The following UBTD1 variants were observed in gnomAD, a reference collection of about 807,000 sequenced individuals.
UBTD1 encodes the protein ubiquitin domain-containing protein 1.
Under a neutral mutation model 21.7 loss-of-function variants are expected in UBTD1, and 19 were observed. The ratio of observed to expected loss-of-function variants is 0.87; its 90% CI spans 0.61 to 1.28. The LOEUF is 1.28. Among genes scored for constraint, UBTD1 ranks in the 50% most tolerant of loss-of-function variants. The pLI, the probability that UBTD1 is intolerant of heterozygous loss-of-function variation, is 0.00. For missense variants in UBTD1, 282 were observed against 315.1 expected, an observed-to-expected ratio of 0.89 and a Z score of 0.80; for synonymous variants, 116 against 135.1, an observed-to-expected ratio of 0.86 and a Z score of 0.98.
intron 1 of UBTD1, among the ~76,000 whole-genome samples, chr10:97,525,307 G>A (rs544620106): frequency 3.9e-5 from 6 of 152,296 alleles, no homozygotes; most frequent in East Asian, 1.9e-4. Flanking sequence ...GCTGGGCACC[G>A]CAGATAGAGA....
chr10:97,568,043 T>G lies in UBTD1; in HGVS notation c.200T>G (p.Ile67Ser), dbSNP rs767618601. Residue 67 changes from isoleucine to serine, a missense_variant, in exon 2 of 3, where the codon ATC (isoleucine) becomes AGC (serine). Coordinates refer to ENST00000370664, the MANE Select transcript of UBTD1 (RefSeq NM_024954.5). ...CCTGCCTTCGAGGGCCGCAAGGAGA[T>G]CTGGGATGCCCTCAAGGCTGCCGCC... Reference protein sequence around the residue: ...TAPAFEGRKEIWDALKAAAYA... With the variant: ...TAPAFEGRKESWDALKAAAYA... 3.7e-6 allele frequency: 6 copies of G among 1,613,900 alleles called. No homozygotes were observed. Among genetic ancestry groups the G allele is most frequent in the Non-Finnish European group, 4.2e-6 (5 of 1,180,026 alleles).
intron 1 of UBTD1, among the ~76,000 whole-genome samples, chr10:97,534,579 GCACACA>G (rs58308271): frequency 0.61 from 88,436 of 145,266 alleles, 29,503 homozygotes; most frequent in Non-Finnish European, 0.76. Context: ...ACGCGCGCGC[GCACACA>G]CACACACACA....
chr10:97,529,716 G>A (rs938414808), intron 1 of UBTD1, among the ~76,000 whole-genome samples: 5 of 151,544 alleles, frequency 3.3e-5, no homozygotes, highest in African/African-American at 1.2e-4. Context: ...CTTCGGCTCG[G>A]CATGAGAGGG....
intron 1 of UBTD1, among the ~76,000 whole-genome samples, chr10:97,526,591 A>C (rs1471189434): frequency 6.6e-6 from 1 of 152,200 alleles, no homozygotes; most frequent in Non-Finnish European, 1.5e-5. Flanking sequence ...CTCCACATGG[A>C]TTCCAGAGTG....
chr10:97,515,599 C>T (rs946984), intron 1 of UBTD1, among the ~76,000 whole-genome samples: 113,705 of 152,116 alleles, frequency 0.75, 44,536 homozygotes, highest in East Asian at 0.91. Context: ...TAGAAAAACC[C>T]TGTTAGATTC....
At position 97,570,596 on chromosome 10, in the gene UBTD1, C is replaced by A; in HGVS notation, c.*73C>A. The A allele has an allele frequency of 1.3e-6, 2 of 1,504,478 alleles. No individual in the cohort carries two copies. Among genetic ancestry groups the A allele is most frequent in the South Asian group, 2.6e-5 (2 of 77,960 alleles). 93.2% of individuals were successfully genotyped at this position (1,504,478 alleles called of 1,614,324 possible). A position where few individuals can be genotyped will look rare whatever the true frequency, so the allele number is the denominator to read the frequency against. The stretch of plus-strand genomic sequence containing the variant: ...CCCACCCTGCTGCTGCCTTCCAGTG[C>A]TGTCATTTTCTTCAGGGGCCCTCCC... On this transcript the variant is annotated 3_prime_UTR_variant, in exon 3 of 3. Transcript: ENST00000370664. The surrounding 1 kb of genome is among the most constrained non-coding windows in gnomAD (Gnocchi z 6.6).
At chr10:97,534,956 T>C (rs954079056) in intron 1 of UBTD1, among the ~76,000 whole-genome samples, 3 of 152,186 alleles carry the variant, frequency 2.0e-5, no homozygotes, top group African/African-American at 7.2e-5. Flanking sequence ...AAAGCCCTCA[T>C]TGGCCAGGAG....
At chr10:97,551,865 C>T (rs1214006117) in intron 1 of UBTD1, among the ~76,000 whole-genome samples, 1 of 152,082 alleles carries the variant, frequency 6.6e-6, no homozygotes, top group Non-Finnish European at 1.5e-5. Context: ...CGGTAACTGC[C>T]AATGAAATAT....
chr10:97,563,151 TAAAAG>T lies in UBTD1; in HGVS notation c.71-4760_71-4756del, dbSNP rs2040701118. Reference sequence around the variant, plus strand: ...CTAAACGGAAGACACAAGGTCCAAATAAAAGAAGGAGAAAAACAGGTATTAAAGGA... The same window carrying T: ...CTAAACGGAAGACACAAGGTCCAAATAAGGAGAAAAACAGGTATTAAAGGA... On this transcript the variant is annotated intron_variant, in intron 1 of 2. Coordinates refer to ENST00000370664, the MANE Select transcript of UBTD1 (RefSeq NM_024954.5). Among the ~76,000 whole-genome samples the T allele has an allele frequency of 2.0e-5, 3 of 152,192 alleles. No individual in the cohort carries two copies. In the South Asian group the frequency reaches 6.2e-4, roughly 32 times the overall value.
chr10:97,530,250 G>A (rs939880695), intron 1 of UBTD1, among the ~76,000 whole-genome samples: 1 of 152,176 alleles, frequency 6.6e-6, no homozygotes, highest in Non-Finnish European at 1.5e-5. Flanking sequence ...ATGAATGAAT[G>A]AAGAATGATG....
intron 1 of UBTD1, among the ~76,000 whole-genome samples, chr10:97,517,017 G>A (rs555461404): frequency 2.0e-5 from 3 of 152,304 alleles, no homozygotes; most frequent in African/African-American, 4.8e-5. Context: ...GCACCTGGGA[G>A]GGCATTGCTG....
intron 1 of UBTD1, among the ~76,000 whole-genome samples, chr10:97,563,462 G>C (rs1280522896): frequency 6.6e-6 from 1 of 152,184 alleles, no homozygotes; most frequent in Admixed American, 6.5e-5. Context: ...GGCTAGGAGA[G>C]AGTGAGTAGA....
Position 97,519,666 on chromosome 10 carries a change from T to C in UBTD1, c.70+20393T>C, listed in dbSNP as rs78228279. On this transcript the variant is annotated intron_variant, in intron 1 of 2. Coordinates refer to ENST00000370664, the MANE Select transcript of UBTD1 (RefSeq NM_024954.5). ...ATCTCATTTTAGCTTTGGAAAAATA[T>C]ATTGTTTTTTAAATGTAGACAATTA... is the stretch of plus-strand genomic sequence containing the variant. 1.8e-3 allele frequency among the ~76,000 whole-genome samples: 272 copies of C among 152,184 alleles called. 1 individual carries two copies. Among genetic ancestry groups the C allele is most frequent in the African/African-American group, 6.3e-3 (263 of 41,524 alleles).
intron 1 of UBTD1, among the ~76,000 whole-genome samples, chr10:97,514,084 A>G (rs2040433394): frequency 6.6e-6 from 1 of 151,110 alleles, no homozygotes; most frequent in Non-Finnish European, 1.5e-5. Flanking sequence ...GGTATCGAAT[A>G]GTATATGGGG....
Position 97,502,856 on chromosome 10 carries a change from C to A in UBTD1, c.70+3583C>A, listed in dbSNP as rs138577228. On this transcript the variant is annotated intron_variant, in intron 1 of 2. Coordinates refer to ENST00000370664, the MANE Select transcript of UBTD1 (RefSeq NM_024954.5). The stretch of plus-strand genomic sequence containing the variant: ...GTGCGTATGTGTGTATACATATATA[C>A]GTATATATACGTATATATGTATATA... Among the ~76,000 whole-genome samples, 8 of 145,746 alleles carry A rather than the reference C, an allele frequency of 5.5e-5. No individual in the cohort carries two copies. In the East Asian group the frequency reaches 1.4e-3, roughly 25 times the overall value.
chr10:97,535,981 A>ATTATTG (rs1554865904), intron 1 of UBTD1, among the ~76,000 whole-genome samples: 7 of 147,066 alleles, frequency 4.8e-5, no homozygotes, highest in African/African-American at 1.7e-4. Context: ...TATTATTATT[A>ATTATTG]TTATTATTAT....
intron 1 of UBTD1, among the ~76,000 whole-genome samples, chr10:97,539,412 A>AG (rs2040577451): frequency 6.6e-6 from 1 of 152,066 alleles, no homozygotes; most frequent in South Asian, 2.1e-4. Context: ...TGGGCAACAA[A>AG]GGGAGAGACC....
At chr10:97,502,105 G>A (rs1349805837) in intron 1 of UBTD1, among the ~76,000 whole-genome samples, 1 of 152,082 alleles carries the variant, frequency 6.6e-6, no homozygotes, top group Admixed American at 6.5e-5. Context: ...ACAATGAGTT[G>A]TACAGAAGTA....
chr10:97,524,636 A>G (rs1022000159), intron 1 of UBTD1, among the ~76,000 whole-genome samples: 1 of 152,226 alleles, frequency 6.6e-6, no homozygotes, highest in African/African-American at 2.4e-5. Context: ...GTCTAATGAT[A>G]CAGTGGCTTA....
Sources: gnomAD v4.1 joint callset for allele counts (sites outside exome capture counted in the v4.1 genomes callset) on GRCh38, gnomAD v4.1.1 for gene constraint, Gnocchi (gnomAD v3.1) non-coding constraint, MANE v1.5 for transcripts, NCBI Gene and HGNC (gene_info 2026-07-23, HGNC 2026-07-21) for gene names.